Variants in PPEF2 observed in about 807,000 individuals in gnomAD.
The protein encoded by PPEF2 is serine/threonine-protein phosphatase with EF-hands 2.
Under a neutral mutation model 84.7 loss-of-function variants are expected in PPEF2, and 84 were observed. The observed-to-expected ratio is 0.99, with a 90% CI of 0.83 to 1.19. PPEF2 has a LOEUF of 1.19. Among genes scored for constraint, PPEF2 ranks in the 50% most tolerant of loss-of-function variants. The pLI is 0.00. For synonymous variants in PPEF2, 346 were observed against 345.2 expected, an observed-to-expected ratio of 1.00 and a Z score of -0.03; for missense variants, 924 against 937.5, an observed-to-expected ratio of 0.99 and a Z score of 0.19.
chr4:75,886,419 A>ACGTT (rs1724727066), intron 7 of PPEF2, among the ~76,000 whole-genome samples: 1 of 152,186 alleles, frequency 6.6e-6, no homozygotes, highest in Non-Finnish European at 1.5e-5. Flanking sequence ...ATGCAACGGC[A>ACGTT]CGTTCGTGGG....
intron 11 of PPEF2, among the ~76,000 whole-genome samples, chr4:75,874,933 G>T (rs1162725276): frequency 4.3e-5 from 6 of 139,838 alleles, no homozygotes; most frequent in Non-Finnish European, 9.1e-5. Flanking sequence ...ACGGAGTCTC[G>T]CTCTGTCGCC....
intron 2 of PPEF2, 144 bp from the exon 3 acceptor site, chr4:75,892,122 T>C: frequency 1.8e-6 from 2 of 1,089,488 alleles, no homozygotes. Flanking sequence ...TTGACGCCCA[T>C]AGGAAGTATT....
chr4:75,867,399 G>T lies in PPEF2; in HGVS notation c.1670C>A (p.Ser557Ter). 6.2e-7 allele frequency: 1 copy of T among 1,613,510 alleles called. No individual in the cohort carries two copies. Among genetic ancestry groups the T allele is most frequent in the Non-Finnish European group, 8.5e-7 (1 of 1,179,602 alleles). The change falls in exon 14 of 17, where the codon TCG becomes TAG. Residue 557 changes from serine (S) to a stop codon, truncating the protein, a stop_gained. Transcript: ENST00000286719. LOFTEE classifies it high-confidence loss of function. ...CTTCTCCCTCAGAGCTCTCAGAGCC[G>T]ACTCCTCCACTCTGCTAATCCTGGG... ...MRQRISRVEESALRALREKLF... is the reference protein window; with the variant it reads ...MRQRISRVEE
At chr4:75,876,002 G>C (rs1724396194) in intron 11 of PPEF2, among the ~76,000 whole-genome samples, 1 of 152,028 alleles carries the variant, frequency 6.6e-6, no homozygotes, top group Non-Finnish European at 1.5e-5. Flanking sequence ...AAAAAAAATA[G>C]CACACAATAG....
intron 10 of PPEF2, among the ~76,000 whole-genome samples, chr4:75,877,281 G>C (rs1022522320): frequency 1.3e-5 from 2 of 150,932 alleles, no homozygotes; most frequent in African/African-American, 4.9e-5. Flanking sequence ...AGGTTGCGGT[G>C]AGCCAAGATT....
chr4:75,890,254 G>A (rs950750242), intron 4 of PPEF2, 122 bp from the exon 5 acceptor site: 41 of 1,062,076 alleles, frequency 3.9e-5, no homozygotes, highest in East Asian at 2.5e-5. Flanking sequence ...GCGGGGCCAA[G>A]GAGGGAGGAT....
At chr4:75,863,825 G>T (rs1406734389) in intron 16 of PPEF2, among the ~76,000 whole-genome samples, 3 of 151,238 alleles carry the variant, frequency 2.0e-5, no homozygotes, top group Non-Finnish European at 4.4e-5. Flanking sequence ...ATTACTTTGT[G>T]GCTATCTTCG....
rs532005757 is a variant in PPEF2 at position 75,885,737 on chromosome 4, G to A, written c.580-977C>T. Among the ~76,000 whole-genome samples the A allele has an allele frequency of 4.0e-4, 61 of 152,100 alleles. 1 individual carries two copies. The highest frequency in any genetic ancestry group is 1.4e-3 in the African/African-American group (58 of 41,516). The stretch of plus-strand genomic sequence containing the variant: ...AAAATTAGTCCATCGTAGGCCAGGC[G>A]CGGTGGCTCACACCGGTAATCCCAG... On this transcript the variant is annotated intron_variant, in intron 7 of 16. Transcript: ENST00000286719.
intron 6 of PPEF2, among the ~76,000 whole-genome samples, chr4:75,887,955 G>A (rs1387266303): frequency 6.6e-6 from 1 of 152,186 alleles, no homozygotes; most frequent in East Asian, 1.9e-4. Flanking sequence ...TTTGAATGAA[G>A]AACATGAGTT....
chr4:75,888,885 G>C (rs1173526870), intron 5 of PPEF2, among the ~76,000 whole-genome samples: 1 of 152,210 alleles, frequency 6.6e-6, no homozygotes, highest in Non-Finnish European at 1.5e-5. Flanking sequence ...CGCCTACACT[G>C]TCTTAACACA....
At chr4:75,871,093 T>C (rs11097157) in intron 13 of PPEF2, among the ~76,000 whole-genome samples, 149,541 of 150,938 alleles carry the variant, frequency 0.99, 74,093 homozygotes, top group Middle Eastern at 1. Flanking sequence ...AATTTTTTTG[T>C]ATTTTTAGTA....
chr4:75,877,893 G>A (rs951800062), intron 10 of PPEF2, among the ~76,000 whole-genome samples: 3 of 152,092 alleles, frequency 2.0e-5, no homozygotes, highest in Non-Finnish European at 2.9e-5. Flanking sequence ...CTAGTTCATC[G>A]TTTCTGTCTG....
chr4:75,884,847 A>G (rs2149223374), intron 7 of PPEF2, 87 bp from the exon 8 acceptor site: 4 of 1,162,756 alleles, frequency 3.4e-6, no homozygotes, highest in South Asian at 3.1e-5. Flanking sequence ...TGACAATCAC[A>G]TCATGTCTAA....
chr4:75,874,306 T>G (rs1034811530), intron 11 of PPEF2, among the ~76,000 whole-genome samples: 4 of 151,702 alleles, frequency 2.6e-5, no homozygotes, highest in African/African-American at 4.8e-5. Context: ...CTTTTGTTTT[T>G]TTTTTTTGAG....
chr4:75,860,896 C>T lies in PPEF2; in HGVS notation c.2033G>A (p.Arg678Lys). The T allele has an allele frequency of 2.5e-6, 4 of 1,614,148 alleles. No individual in the cohort carries two copies. The highest frequency in any genetic ancestry group is 3.4e-6 in the Non-Finnish European group (4 of 1,179,998). Reference protein sequence around the residue: ...HSGFISLDEFRQTWKLFSSHM... With the variant: ...HSGFISLDEFKQTWKLFSSHM... Reference sequence around the variant, plus strand: ...AGAGCTGAACAGCTTCCAGGTCTGCCTGAACTCGTCCAGTGAGATGAACCC... The same window carrying T: ...AGAGCTGAACAGCTTCCAGGTCTGCTTGAACTCGTCCAGTGAGATGAACCC... The change falls in exon 17 of 17, where the codon AGG (arginine) becomes AAG (lysine). Residue 678 changes from arginine to lysine, a missense_variant. Arg to Lys is a conservative substitution (Grantham distance 26). Transcript: ENST00000286719.
Position 75,884,678 on chromosome 4 carries a change from A to G in PPEF2, c.662T>C (p.Met221Thr). The G allele has an allele frequency of 6.2e-7, 1 of 1,613,848 alleles. No homozygotes were observed. The highest frequency in any genetic ancestry group is 1.1e-5 in the South Asian group (1 of 91,064). The change falls in exon 8 of 17, where the codon ATG becomes ACG. Residue 221 changes from methionine to threonine, a missense_variant. Transcript: ENST00000286719. ...DRGKDSVEIL[M>T]ILFAFMLVYP... ...AACCAGCATGAAGGCAAAAAGAATC[A>G]TCAGGATCTCTACTGAATCCTTGCC...
At chr4:75,882,600 A>G (rs2149221880) in intron 10 of PPEF2, among the ~76,000 whole-genome samples, 1 of 151,736 alleles carries the variant, frequency 6.6e-6, no homozygotes, top group East Asian at 1.9e-4. Context: ...TGCAATGGCA[A>G]TCAGAGCTCA....
chr4:75,899,445 GTTC>G (rs1725073214), intron 1 of PPEF2, among the ~76,000 whole-genome samples: 1 of 152,036 alleles, frequency 6.6e-6, no homozygotes, highest in Non-Finnish European at 1.5e-5. Flanking sequence ...ACTTTCTCTA[GTTC>G]TTCTTCAGGA....
Position 75,860,571 on chromosome 4 carries a change from C to A in PPEF2, c.*96G>T. The A allele has an allele frequency of 1.4e-6, 2 of 1,468,954 alleles. No homozygotes were observed. The highest frequency in any genetic ancestry group is 9.3e-7 in the Non-Finnish European group (1 of 1,079,048). 91.0% of individuals were successfully genotyped at this position (1,468,954 alleles called of 1,614,324 possible). On this transcript the variant is annotated 3_prime_UTR_variant, in exon 17 of 17. Transcript: ENST00000286719. ...TGATGCATATGGATAGGTAAATTTT[C>A]AGCATAAAGTTTCACATGGAGAATA...
Sources: gnomAD v4.1 joint callset for allele counts (sites outside exome capture counted in the v4.1 genomes callset) on GRCh38, gnomAD v4.1.1 for gene constraint, MANE v1.5 for transcripts, NCBI Gene and HGNC (gene_info 2026-07-23, HGNC 2026-07-21) for gene names.